The following MACROD2 variants were observed in gnomAD, a reference collection of about 807,000 sequenced individuals.
MACROD2 encodes the protein ADP-ribose glycohydrolase MACROD2.
Under a neutral mutation model 70.4 loss-of-function variants are expected in MACROD2, and 36 were observed. The observed-to-expected ratio is 0.51, with a 90% CI of 0.39 to 0.68. The LOEUF (loss-of-function observed/expected upper bound fraction) is 0.68, where lower values mean the gene tolerates loss of function less well. Among genes scored for constraint, MACROD2 ranks in the 30% least tolerant of loss-of-function variants. The pLI, the probability that MACROD2 is intolerant of heterozygous loss-of-function variation, is 0.00. For synonymous variants in MACROD2, 172 were observed against 178.8 expected (o/e 0.96, Z 0.30); for missense variants, 496 against 538.4 (o/e 0.92, Z 0.78).
intron 5 of MACROD2, among the ~76,000 whole-genome samples, chr20:14,916,623 A>T (rs1319549521): frequency 6.6e-6 from 1 of 152,218 alleles, no homozygotes; most frequent in East Asian, 1.9e-4. Flanking sequence ...GTGAGTGCAT[A>T]GATGATAAAT....
At chr20:15,355,779 A>G (rs1391533306) in intron 6 of MACROD2, among the ~76,000 whole-genome samples, 1 of 152,228 alleles carries the variant, frequency 6.6e-6, no homozygotes, top group East Asian at 1.9e-4. Flanking sequence ...GTTTCAAGCC[A>G]AGAACTGGGG....
chr20:14,515,320 A>T (rs895977440), intron 4 of MACROD2, among the ~76,000 whole-genome samples: 3 of 152,106 alleles, frequency 2.0e-5, no homozygotes, highest in African/African-American at 7.2e-5. Context: ...CTTGCTCTGT[A>T]TACAAAGGAA....
chr20:15,713,987 G>GCACACACGCACACA (rs1555868660), intron 8 of MACROD2, among the ~76,000 whole-genome samples: 1,561 of 117,706 alleles, frequency 0.013, 25 homozygotes, highest in East Asian at 0.029. Flanking sequence ...ACACACATAT[G>GCACACACGCACACA]CACACACACA....
At chr20:15,857,244 G>C (rs2064367058) in intron 8 of MACROD2, among the ~76,000 whole-genome samples, 2 of 152,176 alleles carry the variant, frequency 1.3e-5, no homozygotes, top group South Asian at 4.1e-4. Flanking sequence ...GAAGTCCCTT[G>C]CCTGTCCATC....
At chr20:14,786,445 G>A (rs778392340) in intron 5 of MACROD2, among the ~76,000 whole-genome samples, 2 of 151,824 alleles carry the variant, frequency 1.3e-5, no homozygotes, top group African/African-American at 2.4e-5. Flanking sequence ...TGGGAAGGAC[G>A]CAAGTATCAT....
intron 5 of MACROD2, among the ~76,000 whole-genome samples, chr20:14,951,000 A>C (rs1311639669): frequency 6.6e-6 from 1 of 152,140 alleles, no homozygotes; most frequent in African/African-American, 2.4e-5. Context: ...ATCTTCTTTC[A>C]GTACTGAGCT....
Position 14,738,493 on chromosome 20 carries a change from G to A in MACROD2, c.418+53534G>A, listed in dbSNP as rs138173316. Among the ~76,000 whole-genome samples, 405 of 152,044 alleles carry A rather than the reference G, an allele frequency of 2.7e-3. 3 individuals carry two copies. The highest frequency in any genetic ancestry group is 9.4e-3 in the African/African-American group (388 of 41,472). On this transcript the variant is annotated intron_variant, in intron 5 of 17. Transcript: ENST00000684519. Reference sequence around the variant, plus strand: ...ACTAGTCTCCAGCCTCTTCCCCTCCGTTATTTTTCCCCTCATTGAAATGTA... The same window carrying A: ...ACTAGTCTCCAGCCTCTTCCCCTCCATTATTTTTCCCCTCATTGAAATGTA...
At chr20:15,243,740 C>G (rs188170413) in intron 6 of MACROD2, among the ~76,000 whole-genome samples, 1 of 151,468 alleles carries the variant, frequency 6.6e-6, no homozygotes, top group Non-Finnish European at 1.5e-5. Flanking sequence ...ACGGTGAAAC[C>G]CTGTCTCTAC....
In MACROD2 at chr20:15,801,367, G is replaced by A. The variant is rs190081827; in HGVS notation, c.646-61378G>A. ...GAGGCTCAGCAGGGCAGGTATGACC[G>A]TCACAGCCACTGGCTGGCACTAGCC... On this transcript the variant is annotated intron_variant, in intron 8 of 17. Transcript: ENST00000684519. Among the ~76,000 whole-genome samples, 1,283 of 151,882 alleles carry A rather than the reference G, an allele frequency of 8.4e-3. 22 individuals are homozygous for A. Among genetic ancestry groups the A allele is most frequent in the African/African-American group, 0.029 (1,200 of 41,340 alleles).
chr20:14,401,940 T>G (rs2083642184), intron 3 of MACROD2, among the ~76,000 whole-genome samples: 1 of 152,202 alleles, frequency 6.6e-6, no homozygotes, highest in African/African-American at 2.4e-5. Context: ...ATCCACCAGC[T>G]GTTACATTCT....
intron 3 of MACROD2, among the ~76,000 whole-genome samples, chr20:14,254,284 A>G (rs1256292366): frequency 6.6e-6 from 1 of 151,962 alleles, no homozygotes; most frequent in Admixed American, 6.6e-5. Context: ...TTTTCAATCA[A>G]ATTTTCAATA....
At chr20:15,927,208 G>A (rs1323676939) in intron 10 of MACROD2, among the ~76,000 whole-genome samples, 1 of 152,068 alleles carries the variant, frequency 6.6e-6, no homozygotes, top group Non-Finnish European at 1.5e-5. Flanking sequence ...TACGATTCAA[G>A]GAAAAAATAA....
At chr20:14,737,971 A>T (rs188960330) in intron 5 of MACROD2, among the ~76,000 whole-genome samples, 1 of 152,112 alleles carries the variant, frequency 6.6e-6, no homozygotes, top group Non-Finnish European at 1.5e-5. Flanking sequence ...TTAGTTGTTT[A>T]TTATGTCCTC....
At chr20:14,878,849 G>A (rs2073579628) in intron 5 of MACROD2, among the ~76,000 whole-genome samples, 1 of 152,034 alleles carries the variant, frequency 6.6e-6, no homozygotes, top group South Asian at 2.1e-4. Flanking sequence ...TCTGAAATGG[G>A]CTGCTTCTAT....
chr20:15,015,018 C>T (rs977400569), intron 5 of MACROD2, among the ~76,000 whole-genome samples: 3 of 152,148 alleles, frequency 2.0e-5, no homozygotes, highest in Middle Eastern at 3.4e-3. Flanking sequence ...TAGGACCATA[C>T]GGCATGTTGC....
At chr20:14,793,427 A>T (rs1452806779) in intron 5 of MACROD2, among the ~76,000 whole-genome samples, 2 of 151,714 alleles carry the variant, frequency 1.3e-5, no homozygotes, top group Admixed American at 6.6e-5. Flanking sequence ...CTGATACTTC[A>T]TTTTATCTCC....
intron 5 of MACROD2, among the ~76,000 whole-genome samples, chr20:14,702,511 G>A (rs1405982749): frequency 6.7e-6 from 1 of 148,534 alleles, no homozygotes; most frequent in Admixed American, 6.8e-5. Flanking sequence ...GGGCTGTACT[G>A]TTTCTTGGCT....
intron 6 of MACROD2, among the ~76,000 whole-genome samples, chr20:15,343,209 T>C (rs1340669812): frequency 2.0e-5 from 3 of 152,236 alleles, no homozygotes; most frequent in African/African-American, 7.2e-5. Flanking sequence ...TGATACTGCT[T>C]GGCTTGTACG....
chr20:15,886,822 G>A (rs1262897988), intron 10 of MACROD2, among the ~76,000 whole-genome samples: 10 of 152,036 alleles, frequency 6.6e-5, no homozygotes, highest in Non-Finnish European at 1.5e-4. Flanking sequence ...TTACCATATA[G>A]TTTTCTTTGG....
Sources: gnomAD v4.1 joint callset for allele counts (sites outside exome capture counted in the v4.1 genomes callset) on GRCh38, gnomAD v4.1.1 for gene constraint, MANE v1.5 for transcripts, NCBI Gene and HGNC (gene_info 2026-07-23, HGNC 2026-07-21) for gene names.